The following ATP10A variants were observed in gnomAD, a reference collection of about 807,000 sequenced individuals.
ATP10A encodes the protein phospholipid-transporting ATPase VA.
Under a neutral mutation model 147.8 loss-of-function variants are expected in ATP10A, and 111 were observed. The observed-to-expected ratio is 0.75, with a 90% CI of 0.64 to 0.88. The LOEUF (loss-of-function observed/expected upper bound fraction) is 0.88. Ranked by LOEUF, ATP10A falls within the 40% of genes least tolerant of loss-of-function variation. ATP10A has a pLI of 0.00. For missense variants in ATP10A, 1,927 were observed against 1,959.0 expected, an observed-to-expected ratio of 0.98 and a Z score of 0.31; for synonymous variants, 875 against 841.6, an observed-to-expected ratio of 1.04 and a Z score of -0.69.
At chr15:25,713,629 C>A (rs750077376) in intron 10 of ATP10A, 45 bp downstream of exon 10, 1 of 1,570,876 alleles carries the variant, frequency 6.4e-7, no homozygotes, top group East Asian at 2.3e-5. Context: ...TTTCTCAGGA[C>A]CTCCTCCCCC....
chr15:25,735,406 T>C (rs1335220301), intron 3 of ATP10A, among the ~76,000 whole-genome samples: 1 of 152,152 alleles, frequency 6.6e-6, no homozygotes, highest in Non-Finnish European at 1.5e-5. Flanking sequence ...TGGTTTCTAC[T>C]ACTCCCCATC....
chr15:25,675,381 T>A (rs1899116177), downstream of ATP10A, among the ~76,000 whole-genome samples: 1 of 152,324 alleles, frequency 6.6e-6, no homozygotes, highest in Non-Finnish European at 1.5e-5. Context: ...TTTTAGTGCT[T>A]TTAAATACAA....
rs1168469978 is a variant in ATP10A, at chr15:25,863,273, C to T, written c.-177G>A. ...CCAGCGCGCCCAGCCCGCGCCCAGC[C>T]CCGTCCACTCCCGTCCAGCCCCGCC... On this transcript the variant is annotated 5_prime_UTR_variant, in exon 1 of 21. Transcript: ENST00000555815. The T allele has an allele frequency of 4.5e-6, 1 of 222,038 alleles. No individual in the cohort carries two copies. The highest frequency in any genetic ancestry group is 7.8e-6 in the Non-Finnish European group (1 of 127,942). The allele number at this position is 222,038 out of a possible 1,614,324, so 13.8% of individuals were successfully genotyped here. A position where few individuals can be genotyped will look rare whatever the true frequency, so the allele number is the denominator to read the frequency against.
chr15:25,844,737 TGCACGAGCTGCCAAACAGCCA>T (rs1803639905), intron 1 of ATP10A, among the ~76,000 whole-genome samples: 1 of 152,152 alleles, frequency 6.6e-6, no homozygotes, highest in African/African-American at 2.4e-5. Context: ...GACCTGGCTG[TGCACGAGCTGCCAAACAGCCA>T]GCACTTGTGG....
At chr15:25,736,305 A>G (rs775258645) in intron 2 of ATP10A, among the ~76,000 whole-genome samples, 164 bp from the exon 3 acceptor site, 1 of 152,238 alleles carries the variant, frequency 6.6e-6, no homozygotes, top group African/African-American at 2.4e-5. Flanking sequence ...TCTCCACTGT[A>G]TAATAAATAA....
intron 1 of ATP10A, among the ~76,000 whole-genome samples, chr15:25,802,236 G>C (rs574859269): frequency 6.6e-6 from 1 of 152,192 alleles, no homozygotes; most frequent in Non-Finnish European, 1.5e-5. Flanking sequence ...AGCACAGACC[G>C]AGCTGTTCTC....
At chr15:25,687,576 C>T (rs530655218) in intron 16 of ATP10A, 127 bp downstream of exon 16, 25 of 613,832 alleles carry the variant, frequency 4.1e-5, no homozygotes, top group East Asian at 1.2e-4. Context: ...ATTACACAGG[C>T]GAAGGAGGAT....
chr15:25,726,069 C>G lies in ATP10A; in HGVS notation c.861G>C (p.Lys287Asn). 10 of 1,613,966 alleles carry G rather than the reference C, an allele frequency of 6.2e-6. No individual in the cohort carries two copies. The highest frequency in any genetic ancestry group is 8.5e-6 in the Non-Finnish European group (10 of 1,179,914). Residue 287 changes from lysine to asparagine, a missense_variant, in exon 5 of 21, where the codon AAG becomes AAC. Coordinates refer to ENST00000555815, the MANE Select transcript of ATP10A (RefSeq NM_024490.4). ...GGGGCCCACTGTTGTTCAGCAGAGCCTTGGTTTCATGTCCTGTCGGGGAGG... is the reference window on the plus strand; with the variant it reads ...GGGGCCCACTGTTGTTCAGCAGAGCGTTGGTTTCATGTCCTGTCGGGGAGG... ...GIVIYAGHET[K>N]ALLNNSGPRY...
At chr15:25,779,233 T>C (rs1889776322) in intron 2 of ATP10A, among the ~76,000 whole-genome samples, 1 of 152,222 alleles carries the variant, frequency 6.6e-6, no homozygotes, top group African/African-American at 2.4e-5. Flanking sequence ...TTCCCCTACC[T>C]GCCATGCCAA....
intron 9 of ATP10A, among the ~76,000 whole-genome samples, chr15:25,715,467 G>A (rs1172388128): frequency 6.6e-6 from 1 of 152,232 alleles, no homozygotes; most frequent in Non-Finnish European, 1.5e-5. Context: ...CCTCAATGAC[G>A]CTGCCATCTC....
rs537816306 is a variant in ATP10A, at chr15:25,681,635, C to T, written c.3493-561G>A. ...CTCACTCTCTCAGGACTTTTGGAGA[C>T]GCGAGGCCCCAGAGGCCCGATGAAA... On this transcript the variant is annotated intron_variant, in intron 17 of 20. Transcript: ENST00000555815. Among the ~76,000 whole-genome samples, 87 of 152,272 alleles carry T rather than the reference C, an allele frequency of 5.7e-4. 2 individuals carry two copies. The highest frequency in any genetic ancestry group is 1.7e-3 in the South Asian group (8 of 4,824).
In ATP10A at chr15:25,863,047, C is replaced by T. The variant is rs932047799; in HGVS notation, c.50G>A (p.Arg17Gln). Residue 17 changes from arginine (R) to glutamine (Q), a missense_variant, in exon 1 of 21, where the codon CGG becomes CAG. By Grantham distance (43) the Arg-to-Gln change is conservative. Coordinates refer to ENST00000555815, the MANE Select transcript of ATP10A (RefSeq NM_024490.4). ...GCGCGTCCTGCCCTCTCGGCGCCTC[C>T]GCCGTCCCGGAGGCCCGGGCTCCTC... is the stretch of plus-strand genomic sequence containing the variant. Reference protein sequence around the residue: ...GTEEPGPPGRRRRREGRTRTV... With the variant: ...GTEEPGPPGRQRRREGRTRTV... The T allele has an allele frequency of 2.6e-5, 33 of 1,260,018 alleles. No individual in the cohort carries two copies. The highest frequency in any genetic ancestry group is 3.0e-4 in the Middle Eastern group (1 of 3,342). The allele number at this position is 1,260,018 out of a possible 1,614,324, so 78.1% of individuals were successfully genotyped here. A position where few individuals can be genotyped will look rare whatever the true frequency, so the allele number is the denominator to read the frequency against.
chr15:25,735,220 C>T (rs1039786792), intron 3 of ATP10A, among the ~76,000 whole-genome samples: 7 of 152,150 alleles, frequency 4.6e-5, no homozygotes, highest in Non-Finnish European at 8.8e-5. Context: ...AGGTCATGTG[C>T]GTCATGCCCC....
chr15:25,821,136 A>G, intron 1 of ATP10A, among the ~76,000 whole-genome samples: 1 of 152,240 alleles, frequency 6.6e-6, no homozygotes. Flanking sequence ...CAAATGGCTC[A>G]TGCCTACAAT....
chr15:25,851,630 T>C lies in ATP10A; in HGVS notation c.449+11018A>G, dbSNP rs527872382. Among the ~76,000 whole-genome samples, 3 of 152,372 alleles carry C rather than the reference T, an allele frequency of 2.0e-5. No homozygotes were observed. The South Asian group carries it at 6.2e-4, about 32-fold the overall frequency. ...CATTTGAGCCAACAGAGGGTATCTC[T>C]GGATCCTTAGTGGTCCTCAAAATTC... On this transcript the variant is annotated intron_variant, in intron 1 of 20. Transcript: ENST00000555815.
At position 25,736,093 on chromosome 15, in the gene ATP10A, T is replaced by G. The variant is rs369035092; in HGVS notation, c.703A>C (p.Lys235Gln). Residue 235 changes from lysine to glutamine, a missense_variant, in exon 3 of 21, where the codon AAG becomes CAG. Lys to Gln is a moderately conservative substitution (Grantham distance 53). Coordinates refer to ENST00000555815, the MANE Select transcript of ATP10A (RefSeq NM_024490.4). ...LTFTSVIECE[K>Q]PNNDLSRFRG... ...AACCTACTCAGGTCGTTGTTTGGCTTCTCGCATTCGATCACGCTGGTGAAC... is the reference window on the plus strand; with the variant it reads ...AACCTACTCAGGTCGTTGTTTGGCTGCTCGCATTCGATCACGCTGGTGAAC... The G allele has an allele frequency of 2.9e-5, 47 of 1,613,532 alleles. No homozygotes were observed. In the Middle Eastern group the frequency reaches 7.1e-4, roughly 24 times the overall value.
intron 14 of ATP10A, among the ~76,000 whole-genome samples, chr15:25,693,410 T>A (rs1361274267): frequency 6.6e-6 from 1 of 152,214 alleles, no homozygotes; most frequent in African/African-American, 2.4e-5. Flanking sequence ...CTGCCAAGGA[T>A]TTCCTTCCAC....
intron 2 of ATP10A, among the ~76,000 whole-genome samples, chr15:25,752,721 T>C (rs367687650): frequency 6.6e-6 from 1 of 152,228 alleles, no homozygotes; most frequent in Non-Finnish European, 1.5e-5. Flanking sequence ...TTTTGACAGA[T>C]AGCGCATTGT....
intron 1 of ATP10A, among the ~76,000 whole-genome samples, chr15:25,846,921 A>AC (rs916063908): frequency 1.3e-5 from 2 of 152,162 alleles, no homozygotes; most frequent in Admixed American, 6.5e-5. Context: ...AAATACACAC[A>AC]CCCCCACTTT....
Sources: gnomAD v4.1 joint callset for allele counts (sites outside exome capture counted in the v4.1 genomes callset) on GRCh38, gnomAD v4.1.1 for gene constraint, MANE v1.5 for transcripts, NCBI Gene and HGNC (gene_info 2026-07-23, HGNC 2026-07-21) for gene names.